HACD4: variants seen among roughly 807,000 people sequenced by gnomAD.
The protein encoded by HACD4 is very-long-chain (3R)-3-hydroxyacyl-CoA dehydratase 4.
Under a neutral mutation model 33.3 loss-of-function variants are expected in HACD4, and 35 were observed. That is an observed-to-expected ratio of 1.05 (90% confidence interval 0.80 to 1.39). HACD4 has a LOEUF of 1.39. Ranked by LOEUF, HACD4 falls within the 40% of genes most tolerant of loss-of-function variation. HACD4 has a pLI of 0.00. For synonymous variants in HACD4, 118 were observed against 98.0 expected (o/e 1.20, Z -1.21); for missense variants, 323 against 276.5 (o/e 1.17, Z -1.19).
At chr9:21,011,404 A>G (rs555770470) in intron 5 of HACD4, among the ~76,000 whole-genome samples, 185 bp downstream of exon 5, 1 of 152,206 alleles carries the variant, frequency 6.6e-6, no homozygotes. Flanking sequence ...TATTTTGTCT[A>G]CTGTGCAGAG....
intron 2 of HACD4, among the ~76,000 whole-genome samples, chr9:21,027,230 C>T (rs538036465): frequency 6.6e-6 from 1 of 152,236 alleles, no homozygotes; most frequent in South Asian, 2.1e-4. Flanking sequence ...TGTTTCTATA[C>T]ATATTTGGTT....
chr9:21,011,443 G>C, intron 5 of HACD4, 146 bp downstream of exon 5: 1 of 640,084 alleles, frequency 1.6e-6, no homozygotes, highest in Non-Finnish European at 2.8e-6. Flanking sequence ...TTGCCTCTTT[G>C]CATCAAGGGA....
chr9:21,016,616 G>C (rs773333600), intron 3 of HACD4, among the ~76,000 whole-genome samples: 1 of 151,986 alleles, frequency 6.6e-6, no homozygotes, highest in Non-Finnish European at 1.5e-5. Context: ...GTATGAAAAT[G>C]TAGGGTGCCC....
chr9:21,015,493 G>C lies in HACD4; in HGVS notation c.383+405C>G, dbSNP rs1355419155. 2 of 154,758 alleles carry C rather than the reference G, an allele frequency of 1.3e-5. 1 individual carries two copies. The highest frequency in any genetic ancestry group is 4.1e-4 in the South Asian group (2 of 4,930). 9.6% of individuals were successfully genotyped at this position (154,758 alleles called of 1,614,324 possible). On this transcript the variant is annotated intron_variant, in intron 4 of 6. Coordinates refer to ENST00000495827, the MANE Select transcript of HACD4 (RefSeq NM_001010915.5). ...GTGAGAGTGCATTTTCTTCCTGAGA[G>C]GCCCTATATTTAAAAGATTCTTGAA...
In HACD4 at chr9:21,029,276, A is replaced by T. The variant is rs1818143590; in HGVS notation, c.142+19T>A. On this transcript the variant is annotated intron_variant, in intron 2 of 6. Coordinates refer to ENST00000495827, the MANE Select transcript of HACD4 (RefSeq NM_001010915.5). ...AAGGATTAAAAGTTAAAAATAAAAA[A>T]ACTGTTTCGGAGTTTTACCTTTTCC... 7.2e-7 allele frequency: 1 copy of T among 1,394,432 alleles called. No individual in the cohort carries two copies. Among genetic ancestry groups the T allele is most frequent in the African/African-American group, 1.4e-5 (1 of 69,344 alleles). The allele number at this position is 1,394,432 out of a possible 1,614,324, so 86.4% of individuals were successfully genotyped here.
At chr9:21,022,107 C>A (rs1817929554) in intron 3 of HACD4, among the ~76,000 whole-genome samples, 2 of 152,170 alleles carry the variant, frequency 1.3e-5, no homozygotes, top group Admixed American at 1.3e-4. Flanking sequence ...TTTGACAAAC[C>A]TGACAAAAAC....
chr9:21,025,475 A>G (rs1818039013), intron 3 of HACD4, among the ~76,000 whole-genome samples: 1 of 152,140 alleles, frequency 6.6e-6, no homozygotes, highest in South Asian at 2.1e-4. Flanking sequence ...TATTTTTACA[A>G]TGTGAAATTG....
At position 21,001,916 on chromosome 9, in the gene HACD4, C is replaced by CA. The variant is rs1022253822; in HGVS notation, c.*5120dup. 1.3e-5 allele frequency: 2 copies of CA among 152,106 alleles called. No individual in the cohort carries two copies. The highest frequency in any genetic ancestry group is 2.9e-5 in the Non-Finnish European group (2 of 67,986). 9.4% of individuals were successfully genotyped at this position (152,106 alleles called of 1,614,324 possible). ...AATGGAAAGACACTAAACAGCAACT[C>CA]AAAGCCACATGAAGAAATAAGGATC... On this transcript the variant is annotated 3_prime_UTR_variant, in exon 7 of 7. Transcript: ENST00000495827.
intron 2 of HACD4, among the ~76,000 whole-genome samples, chr9:21,027,826 GATA>G (rs1206323098): frequency 6.6e-6 from 1 of 152,150 alleles, no homozygotes; most frequent in Non-Finnish European, 1.5e-5. Flanking sequence ...GTAATGGCAG[GATA>G]ATAACTGAGA....
Position 21,031,596 on chromosome 9 carries a change from G to A in HACD4, c.-6C>T. On this transcript the variant is annotated 5_prime_UTR_variant, in exon 1 of 7. Transcript: ENST00000495827. The stretch of plus-strand genomic sequence containing the variant: ...GGCAGCGCCAAGGGCCCCATGGGCC[G>A]CCGCCGCCAGGGCTTCCAGCGCGGT... 1 of 1,429,570 alleles carries A rather than the reference G, an allele frequency of 7.0e-7. No homozygotes were observed. Among genetic ancestry groups the A allele is most frequent in the Non-Finnish European group, 9.1e-7 (1 of 1,096,998 alleles). The allele number at this position is 1,429,570 out of a possible 1,614,324, so 88.6% of individuals were successfully genotyped here. A position where few individuals can be genotyped will look rare whatever the true frequency, so the allele number is the denominator to read the frequency against.
intron 3 of HACD4, among the ~76,000 whole-genome samples, chr9:21,022,549 G>T (rs1294348440): frequency 6.6e-6 from 1 of 152,154 alleles, no homozygotes; most frequent in Non-Finnish European, 1.5e-5. Flanking sequence ...CCATCAAAAA[G>T]TGGGCAAAGG....
rs1818224956 is a variant in HACD4, at chr9:21,031,579, C to T, written c.12G>A (p.Leu4=). MGP[L]ALPAWLQPRY... is the part of the protein sequence containing the mutation. ...TGGGCTGCAGCCAGGCGGGCAGCGC[C>T]AAGGGCCCCATGGGCCGCCGCCGCC... The change falls in exon 1 of 7, where the codon TTG becomes TTA. Residue 4 remains leucine, a synonymous_variant. Transcript: ENST00000495827. 1.4e-6 allele frequency: 2 copies of T among 1,447,684 alleles called. No homozygotes were observed. The highest frequency in any genetic ancestry group is 1.4e-5 in the South Asian group (1 of 73,666). 89.7% of individuals were successfully genotyped at this position (1,447,684 alleles called of 1,614,324 possible).
intron 5 of HACD4, 53 bp downstream of exon 5, chr9:21,011,536 A>AT: frequency 9.2e-7 from 1 of 1,087,732 alleles, no homozygotes; most frequent in Non-Finnish European, 1.4e-6. Flanking sequence ...GTGAACCATT[A>AT]TAACTAGATG....
chr9:21,022,634 G>A (rs891403463), intron 3 of HACD4, among the ~76,000 whole-genome samples: 8 of 18,248 alleles, frequency 4.4e-4, no homozygotes, highest in African/African-American at 6.9e-4. Flanking sequence ...ATCATCACTG[G>A]CCATAGAGAA....
chr9:21,031,455 CG>C (rs1163349862), intron 1 of HACD4, 97 bp downstream of exon 1: 40 of 1,305,128 alleles, frequency 3.1e-5, no homozygotes, highest in Middle Eastern at 2.9e-4. Context: ...TGCTGGCGGG[CG>C]GGGGGTGCCG....
chr9:21,009,182 A>C (rs1842348888), intron 5 of HACD4, among the ~76,000 whole-genome samples: 1 of 152,228 alleles, frequency 6.6e-6, no homozygotes, highest in Non-Finnish European at 1.5e-5. Flanking sequence ...TAGTAGGTTT[A>C]TTTAACTGCG....
At chr9:21,017,817 A>T (rs1020536418) in intron 3 of HACD4, 1 of 152,198 alleles carries the variant, frequency 6.6e-6, no homozygotes, top group Non-Finnish European at 1.5e-5. Flanking sequence ...ACCTGGAAAC[A>T]TATATATATC....
Position 21,000,977 on chromosome 9 carries a change from A to C in HACD4, c.*6060T>G, listed in dbSNP as rs1842158875. The C allele has an allele frequency of 6.6e-6, 1 of 152,048 alleles. No homozygotes were observed. The highest frequency in any genetic ancestry group is 2.4e-5 in the African/African-American group (1 of 41,418). 9.4% of individuals were successfully genotyped at this position (152,048 alleles called of 1,614,324 possible). On this transcript the variant is annotated 3_prime_UTR_variant, in exon 7 of 7. Coordinates refer to ENST00000495827, the MANE Select transcript of HACD4 (RefSeq NM_001010915.5). The stretch of plus-strand genomic sequence containing the variant: ...TTTAAAAAAAAACATTAACTTAGGG[A>C]CCTTAGTGAGATGTAGTTACCATAT...
Position 21,031,634 on chromosome 9 carries a change from A to G in HACD4, c.-44T>C. Reference sequence around the variant, plus strand: ...CTTCCAGCGCGGTCCAGGAAGGAGTACCGGGGAGGAGGCAGGGGCGGCCCC... The same window carrying G: ...CTTCCAGCGCGGTCCAGGAAGGAGTGCCGGGGAGGAGGCAGGGGCGGCCCC... On this transcript the variant is annotated 5_prime_UTR_variant, in exon 1 of 7. Coordinates refer to ENST00000495827, the MANE Select transcript of HACD4 (RefSeq NM_001010915.5). The G allele has an allele frequency of 7.4e-7, 1 of 1,349,242 alleles. No homozygotes were observed. Among genetic ancestry groups the G allele is most frequent in the African/African-American group, 1.5e-5 (1 of 65,276 alleles). 83.6% of individuals were successfully genotyped at this position (1,349,242 alleles called of 1,614,324 possible).
Sources: gnomAD v4.1 joint callset for allele counts (sites outside exome capture counted in the v4.1 genomes callset) on GRCh38, gnomAD v4.1.1 for gene constraint, MANE v1.5 for transcripts, NCBI Gene and HGNC (gene_info 2026-07-23, HGNC 2026-07-21) for gene names.